NPHP1: variants seen among roughly 807,000 people sequenced by gnomAD.
The protein encoded by NPHP1 is nephrocystin-1.
NPHP1 carries 70 observed loss-of-function variants against 90.4 expected under a neutral mutation model. The observed-to-expected ratio is 0.77, with a 90% CI of 0.64 to 0.95. The LOEUF (loss-of-function observed/expected upper bound fraction) is 0.95, where lower values mean the gene tolerates loss of function less well. NPHP1 is among the 40% of genes least tolerant of loss of function. NPHP1 has a pLI of 0.00. For missense variants in NPHP1, 764 were observed against 795.9 expected (o/e 0.96, Z 0.48); for synonymous variants, 256 against 271.7 (o/e 0.94, Z 0.57).
chr2:110,202,865 G>A (rs1230975973), intron 1 of NPHP1, among the ~76,000 whole-genome samples: 4 of 152,130 alleles, frequency 2.6e-5, no homozygotes, highest in African/African-American at 9.7e-5. Flanking sequence ...GCAGTTTGGA[G>A]ATTTCCCAAA....
intron 2 of NPHP1, chr2:110,183,956 C>A (rs375816165): frequency 3.0e-6 from 1 of 330,524 alleles, no homozygotes; most frequent in South Asian, 2.6e-5. Context: ...ACAAACAGAC[C>A]AAAATGCAAT....
At position 110,161,731 on chromosome 2, in the gene NPHP1, A is replaced by T. The variant is rs979376; in HGVS notation, c.860-34T>A. 12,662 of 1,496,668 alleles carry T rather than the reference A, an allele frequency of 8.5e-3. 814 individuals are homozygous for T. In the African/African-American group the frequency reaches 0.15, roughly 17 times the overall value. The allele number at this position is 1,496,668 out of a possible 1,614,324, so 92.7% of individuals were successfully genotyped here. A position where few individuals can be genotyped will look rare whatever the true frequency, so the allele number is the denominator to read the frequency against. ...ATCATTTTTTCTTCATTTTCTTACA[A>T]AGAAAGAAACTCCAAATCAAAAATC... On this transcript the variant is annotated intron_variant, in intron 9 of 19. Coordinates refer to ENST00000445609, the MANE Select transcript of NPHP1 (RefSeq NM_001128178.3).
At chr2:110,202,491 G>A (rs916992384) in intron 1 of NPHP1, 6 of 452,530 alleles carry the variant, frequency 1.3e-5, no homozygotes, top group Non-Finnish European at 2.2e-5. Context: ...TGTGAAGACA[G>A]GGAAGAATTA....
At chr2:110,152,731 G>C (rs772530512) in intron 11 of NPHP1, among the ~76,000 whole-genome samples, 5 of 151,866 alleles carry the variant, frequency 3.3e-5, no homozygotes, top group Admixed American at 6.6e-5. Context: ...TAATGGATCA[G>C]TGACATATCT....
At chr2:110,143,808 C>T (rs532096469) in intron 15 of NPHP1, 167 bp from the exon 16 acceptor site, 1 of 616,056 alleles carries the variant, frequency 1.6e-6, no homozygotes, top group African/African-American at 1.8e-5. Flanking sequence ...CCTAAGGGCA[C>T]AGGATTGTTT....
At chr2:110,128,910 A>G in intron 18 of NPHP1, 1 of 475,882 alleles carries the variant, frequency 2.1e-6, no homozygotes, top group Non-Finnish European at 3.8e-6. Flanking sequence ...CTCTTAGGAC[A>G]CAATCAGTGG....
intron 16 of NPHP1, among the ~76,000 whole-genome samples, chr2:110,138,622 T>C (rs922472919): frequency 6.6e-6 from 1 of 152,118 alleles, no homozygotes; most frequent in African/African-American, 2.4e-5. Flanking sequence ...TCTGGGACCA[T>C]GGACATGTTC....
intron 6 of NPHP1, among the ~76,000 whole-genome samples, chr2:110,167,144 C>T (rs11888587): frequency 0.043 from 6,506 of 151,934 alleles, 455 homozygotes; most frequent in African/African-American, 0.15. Flanking sequence ...TGTTCTTTGT[C>T]ACTGATTCCT....
Position 110,173,300 on chromosome 2 carries a change from G to T in NPHP1, c.330-3302C>A, listed in dbSNP as rs373848546. Among the ~76,000 whole-genome samples, 12 of 152,156 alleles carry T rather than the reference G, an allele frequency of 7.9e-5. No individual in the cohort carries two copies. In the East Asian group the frequency reaches 1.7e-3, roughly 22 times the overall value. On this transcript the variant is annotated intron_variant, in intron 4 of 19. Transcript: ENST00000445609. ...TTTAATGTCATTCCAAGTCATCAAA[G>T]AAAATATATATATATTCTACATAAT...
At chr2:110,189,695 G>A (rs144399537) in intron 2 of NPHP1, among the ~76,000 whole-genome samples, 338 of 152,198 alleles carry the variant, frequency 2.2e-3, no homozygotes, top group African/African-American at 7.6e-3. Context: ...ACAGAGAGCC[G>A]AGTAGTCTGT....
At chr2:110,126,701 C>T (rs1336012611) in intron 18 of NPHP1, 1 of 152,634 alleles carries the variant, frequency 6.6e-6, no homozygotes, top group Non-Finnish European at 1.5e-5. Context: ...TAAGTAAACT[C>T]TAGGAGGCTC....
chr2:110,195,855 C>T (rs1291400526), intron 2 of NPHP1, among the ~76,000 whole-genome samples: 1 of 152,120 alleles, frequency 6.6e-6, no homozygotes, highest in Admixed American at 6.5e-5. Context: ...TGCCATATAT[C>T]TGCAACTATC....
chr2:110,152,599 T>TAA (rs36125105), intron 11 of NPHP1, among the ~76,000 whole-genome samples: 46,497 of 125,538 alleles, frequency 0.37, 8,828 homozygotes, highest in East Asian at 0.56. Context: ...CCAGTAGGGT[T>TAA]AAAAAAAAAA....
At chr2:110,124,330 G>A in intron 19 of NPHP1, 1 of 534,556 alleles carries the variant, frequency 1.9e-6, no homozygotes, top group Non-Finnish European at 3.4e-6. Flanking sequence ...CTCCATGGAG[G>A]GTGTCTCACA....
chr2:110,183,925 T>C (rs1322414672), intron 2 of NPHP1: 1 of 325,552 alleles, frequency 3.1e-6, no homozygotes, highest in Non-Finnish European at 6.0e-6. Flanking sequence ...CCTCAGCAAA[T>C]GAAAAAGAAC....
intron 11 of NPHP1, among the ~76,000 whole-genome samples, chr2:110,159,353 G>T (rs1293091599): frequency 3.3e-5 from 5 of 151,902 alleles, no homozygotes; most frequent in Admixed American, 3.3e-4. Flanking sequence ...TATAAGATTG[G>T]TATTATTTCT....
At chr2:110,125,505 A>G in intron 19 of NPHP1, 132 bp downstream of exon 19, 1 of 1,157,924 alleles carries the variant, frequency 8.6e-7, no homozygotes, top group Non-Finnish European at 1.3e-6. Flanking sequence ...TGCAGCCATA[A>G]TGAAACAGTT....
At chr2:110,134,491 G>A (rs1452845192) in intron 16 of NPHP1, among the ~76,000 whole-genome samples, 1 of 149,112 alleles carries the variant, frequency 6.7e-6, no homozygotes, top group Non-Finnish European at 1.5e-5. Context: ...TCATTATGAG[G>A]TCAGAATTAC....
intron 16 of NPHP1, among the ~76,000 whole-genome samples, chr2:110,139,545 G>A (rs775364620): frequency 1.3e-5 from 2 of 152,188 alleles, no homozygotes; most frequent in Non-Finnish European, 2.9e-5. Context: ...CATTTTCACA[G>A]GATTCCTGAT....
Sources: allele counts gnomAD v4.1 joint callset (sites outside exome capture counted in the v4.1 genomes callset), GRCh38; gene constraint gnomAD v4.1.1; transcripts MANE v1.5; gene names NCBI Gene and HGNC (gene_info 2026-07-23, HGNC 2026-07-21).